The following SUSD3 variants were observed in gnomAD, a reference collection of about 807,000 sequenced individuals.
SUSD3 encodes sushi domain containing 3.
In SUSD3, 18 loss-of-function variants were observed where a neutral mutation model predicts 20.6. The ratio of observed to expected loss-of-function variants is 0.87; its 90% CI spans 0.60 to 1.30. The LOEUF (loss-of-function observed/expected upper bound fraction) is 1.30, where lower values mean the gene tolerates loss of function less well. Among genes scored for constraint, SUSD3 ranks in the 50% most tolerant of loss-of-function variants. The pLI is 0.00. For missense variants in SUSD3, 306 were observed against 346.9 expected, an observed-to-expected ratio of 0.88 and a Z score of 0.94; for synonymous variants, 137 against 141.5, an observed-to-expected ratio of 0.97 and a Z score of 0.23.
At position 93,079,621 on chromosome 9, in the gene SUSD3, A is replaced by C. The variant is rs1826326681; in HGVS notation, c.557+19A>C. 1 of 1,612,220 alleles carries C rather than the reference A, an allele frequency of 6.2e-7. No individual in the cohort carries two copies. On this transcript the variant is annotated intron_variant, in intron 4 of 4. Coordinates refer to ENST00000375472, the MANE Select transcript of SUSD3 (RefSeq NM_145006.4). ...TCACCACGTGAGCCCGGGTCTGGGTAGGGGACATGCTGGGGGACAAGGGGT... is the reference window on the plus strand; with the variant it reads ...TCACCACGTGAGCCCGGGTCTGGGTCGGGGACATGCTGGGGGACAAGGGGT...
intron 2 of SUSD3, among the ~76,000 whole-genome samples, chr9:93,077,175 T>C (rs1826199525): frequency 6.6e-6 from 1 of 152,198 alleles, no homozygotes; most frequent in Admixed American, 6.5e-5. Context: ...CTGATGGAAC[T>C]AGTTTTTGGA....
intron 1 of SUSD3, among the ~76,000 whole-genome samples, chr9:93,059,603 C>A (rs1170124621): frequency 6.6e-6 from 1 of 152,182 alleles, no homozygotes; most frequent in Non-Finnish European, 1.5e-5. Context: ...AAGCTTACTT[C>A]CGCGGCCACT....
rs1131773 is a variant in SUSD3 at position 93,077,974 on chromosome 9, A to G, written c.406A>G (p.Lys136Glu). 0.17 allele frequency: 270,982 copies of G among 1,614,042 alleles called. 27,724 individuals carry two copies. The highest frequency in any genetic ancestry group is 0.45 in the African/African-American group (33,470 of 74,968). The change falls in exon 3 of 5, where the codon AAG (lysine) becomes GAG (glutamate). Residue 136 changes from lysine to glutamate, a missense_variant. Coordinates refer to ENST00000375472, the MANE Select transcript of SUSD3 (RefSeq NM_145006.4). Reference sequence around the variant, plus strand: ...CCTCCTCAAGTGCGTGAAGAAGAGCAAGCGGCGGCGCTCCAACAGGTACGG... The same window carrying G: ...CCTCCTCAAGTGCGTGAAGAAGAGCGAGCGGCGGCGCTCCAACAGGTACGG... ...CCLLKCVKKS[K>E]RRRSNRSAQL... is the part of the protein sequence containing the mutation.
At chr9:93,060,555 G>C (rs1357495412) in intron 1 of SUSD3, among the ~76,000 whole-genome samples, 1 of 152,140 alleles carries the variant, frequency 6.6e-6, no homozygotes, top group Non-Finnish European at 1.5e-5. Flanking sequence ...CCACTGACCA[G>C]GAGTGGTGGC....
rs188078942 is a variant in SUSD3 at position 93,061,728 on chromosome 9, C to T, written c.88+2898C>T. On this transcript the variant is annotated intron_variant, in intron 1 of 4. Transcript: ENST00000375472. The stretch of plus-strand genomic sequence containing the variant: ...CTTGGGGGTCCTGTTCTCAAAGCAC[C>T]TCTGTGTGCAAAAGTCACCCCCTTT... Among the ~76,000 whole-genome samples, 120 of 152,328 alleles carry T rather than the reference C, an allele frequency of 7.9e-4. 1 individual carries two copies. Among genetic ancestry groups the T allele is most frequent in the Middle Eastern group, 3.4e-3 (1 of 294 alleles).
chr9:93,069,364 G>A (rs958650092), intron 1 of SUSD3, among the ~76,000 whole-genome samples: 4 of 152,192 alleles, frequency 2.6e-5, no homozygotes, highest in Admixed American at 6.5e-5. Context: ...TGGAACCACC[G>A]GTAACTGAAA....
chr9:93,072,946 A>G (rs1825966644), intron 1 of SUSD3, among the ~76,000 whole-genome samples: 2 of 152,056 alleles, frequency 1.3e-5, no homozygotes, highest in South Asian at 4.2e-4. Flanking sequence ...GTCTCATCTC[A>G]GGCTCGGTGG....
chr9:93,081,504 CCT>C (rs1826412731), intron 4 of SUSD3, among the ~76,000 whole-genome samples: 1 of 152,130 alleles, frequency 6.6e-6, no homozygotes, highest in South Asian at 2.1e-4. Context: ...CGGGTGTGTG[CCT>C]CTCTCGCCAG....
chr9:93,083,736 C>T (rs778903470), intron 4 of SUSD3, among the ~76,000 whole-genome samples: 1 of 152,218 alleles, frequency 6.6e-6, no homozygotes, highest in Non-Finnish European at 1.5e-5. Flanking sequence ...TTCACTTACT[C>T]ATTGCATAAG....
At position 93,081,495 on chromosome 9, in the gene SUSD3, G is replaced by A. The variant is rs548732562; in HGVS notation, c.557+1893G>A. On this transcript the variant is annotated intron_variant, in intron 4 of 4. Transcript: ENST00000375472. ...CAAGTTGTTGAGGTTACCTGAGTCC[G>A]GGTGTGTGCCTCTCTCGCCAGGCCC... is the stretch of plus-strand genomic sequence containing the variant. Among the ~76,000 whole-genome samples, 39 of 152,190 alleles carry A rather than the reference G, an allele frequency of 2.6e-4. No individual in the cohort carries two copies. The East Asian group carries it at 6.0e-3, about 23-fold the overall frequency.
intron 1 of SUSD3, among the ~76,000 whole-genome samples, chr9:93,071,084 T>G (rs1289591157): frequency 6.6e-6 from 1 of 152,222 alleles, no homozygotes; most frequent in Admixed American, 6.5e-5. Context: ...CTGTCTCTTC[T>G]TAGGATCCGA....
At chr9:93,073,293 C>T (rs539697699) in intron 1 of SUSD3, among the ~76,000 whole-genome samples, 1 of 146,128 alleles carries the variant, frequency 6.8e-6, no homozygotes, top group Non-Finnish European at 1.5e-5. Context: ...GTCGCCCAGG[C>T]TGGAGTGCAG....
At chr9:93,072,994 C>A (rs1825969490) in intron 1 of SUSD3, among the ~76,000 whole-genome samples, 1 of 152,058 alleles carries the variant, frequency 6.6e-6, no homozygotes, top group Non-Finnish European at 1.5e-5. Flanking sequence ...AGGGCATGGT[C>A]CTGGCTGGAG....
intron 1 of SUSD3, chr9:93,068,952 G>A (rs1369377327): frequency 2.2e-5 from 12 of 541,868 alleles, no homozygotes; most frequent in African/African-American, 2.1e-4. Flanking sequence ...ATGATAACCA[G>A]TAATAAGTTA....
intron 4 of SUSD3, among the ~76,000 whole-genome samples, chr9:93,082,794 G>A (rs768728589): frequency 8.5e-5 from 13 of 152,306 alleles, no homozygotes; most frequent in Non-Finnish European, 1.5e-4. Context: ...AGTGCCCATG[G>A]AATGGGGGAA....
At chr9:93,071,353 C>T (rs1368450962) in intron 1 of SUSD3, among the ~76,000 whole-genome samples, 1 of 152,188 alleles carries the variant, frequency 6.6e-6, no homozygotes, top group Non-Finnish European at 1.5e-5. Context: ...GCCCGACAGC[C>T]GTTGGCAAGC....
intron 1 of SUSD3, among the ~76,000 whole-genome samples, chr9:93,066,349 T>G (rs988457315): frequency 4.6e-5 from 7 of 152,212 alleles, no homozygotes; most frequent in Admixed American, 1.3e-4. Flanking sequence ...TTCTTCTGTC[T>G]CAGCCTCTTG....
At chr9:93,063,919 G>C (rs1464615796) in intron 1 of SUSD3, among the ~76,000 whole-genome samples, 2 of 152,168 alleles carry the variant, frequency 1.3e-5, no homozygotes, top group East Asian at 1.9e-4. Context: ...GCTGGCATCA[G>C]TTTTACTGGG....
At chr9:93,083,926 C>T (rs905267889) in intron 4 of SUSD3, among the ~76,000 whole-genome samples, 2 of 151,998 alleles carry the variant, frequency 1.3e-5, no homozygotes, top group Non-Finnish European at 2.9e-5. Context: ...ATGCAAAGGG[C>T]TGGAGGTGGG....
Sources: allele counts gnomAD v4.1 joint callset (sites outside exome capture counted in the v4.1 genomes callset), GRCh38; gene constraint gnomAD v4.1.1; transcripts MANE v1.5; gene names NCBI Gene and HGNC (gene_info 2026-07-23, HGNC 2026-07-21).